Variants in MGMT observed in about 807,000 individuals in gnomAD.
MGMT encodes the protein O-6-methylguanine-DNA methyltransferase.
In MGMT, 14 loss-of-function variants were observed where a neutral mutation model predicts 15.9. The ratio of observed to expected loss-of-function variants is 0.88; its 90% CI spans 0.58 to 1.37. MGMT has a LOEUF of 1.37. MGMT is among the 40% of genes most tolerant of loss of function. The pLI is 0.00. For synonymous variants in MGMT, 130 were observed against 118.2 expected (o/e 1.10, Z -0.65); for missense variants, 282 against 268.1 (o/e 1.05, Z -0.36).
chr10:129,579,533 T>A (rs2133045472), intron 2 of MGMT, among the ~76,000 whole-genome samples: 1 of 152,376 alleles, frequency 6.6e-6, no homozygotes, highest in Admixed American at 6.5e-5. Flanking sequence ...GGAAGGACGT[T>A]AAGGCAGGAC....
chr10:129,687,166 T>G (rs920125395), intron 2 of MGMT, among the ~76,000 whole-genome samples: 1 of 152,178 alleles, frequency 6.6e-6, no homozygotes, highest in Non-Finnish European at 1.5e-5. Flanking sequence ...TTTTATTTTT[T>G]GTTTTTACAT....
intron 2 of MGMT, among the ~76,000 whole-genome samples, chr10:129,580,961 C>G (rs1846547635): frequency 6.6e-6 from 1 of 152,190 alleles, no homozygotes; most frequent in Non-Finnish European, 1.5e-5. Context: ...CTGTCTGGTC[C>G]CACTGACATG....
chr10:129,502,189 C>CTCCCTG (rs1845581117), intron 1 of MGMT, among the ~76,000 whole-genome samples: 1 of 152,152 alleles, frequency 6.6e-6, no homozygotes, highest in Non-Finnish European at 1.5e-5. Flanking sequence ...TGGCCGCAGT[C>CTCCCTG]CAGGCTTTGA....
intron 1 of MGMT, among the ~76,000 whole-genome samples, chr10:129,524,252 C>T (rs1845844921): frequency 6.6e-6 from 1 of 152,220 alleles, no homozygotes; most frequent in African/African-American, 2.4e-5. Flanking sequence ...TGCTCAGGCC[C>T]CTGCAGCCTT....
At chr10:129,730,757 A>G (rs1176414185) in intron 3 of MGMT, among the ~76,000 whole-genome samples, 1 of 152,102 alleles carries the variant, frequency 6.6e-6, no homozygotes, top group Non-Finnish European at 1.5e-5. Context: ...TTGTTCAGAA[A>G]CCATTAGCAC....
chr10:129,624,362 C>A (rs1284330122), intron 2 of MGMT, among the ~76,000 whole-genome samples: 1 of 152,294 alleles, frequency 6.6e-6, no homozygotes, highest in African/African-American at 2.4e-5. Flanking sequence ...GAAGTTCCTG[C>A]AGCCTGTTGG....
In MGMT at chr10:129,485,319, T is replaced by A. The variant is rs187207175; in HGVS notation, c.-13+18023T>A. On this transcript the variant is annotated intron_variant, in intron 1 of 4. Transcript: ENST00000651593. ...TGAATTCTAATCTCTCTCCCCACTT[T>A]GGTGAGAGCACCCACTGGTTTTGTG... 7.2e-5 allele frequency among the ~76,000 whole-genome samples: 11 copies of A among 152,308 alleles called. No homozygotes were observed. In the East Asian group the frequency reaches 1.9e-3, roughly 27 times the overall value.
chr10:129,594,818 G>A (rs139493196), intron 2 of MGMT, among the ~76,000 whole-genome samples: 119 of 152,304 alleles, frequency 7.8e-4, no homozygotes, highest in Admixed American at 1.7e-3. Flanking sequence ...AGTTGACAAG[G>A]ATTCAAAAAG....
intron 1 of MGMT, among the ~76,000 whole-genome samples, chr10:129,506,983 T>C (rs939210788): frequency 6.6e-6 from 1 of 152,150 alleles, no homozygotes; most frequent in African/African-American, 2.4e-5. Flanking sequence ...CTCTGCCACT[T>C]AGGGGCCATG....
chr10:129,576,896 G>A (rs543341604), intron 2 of MGMT, among the ~76,000 whole-genome samples: 21 of 152,140 alleles, frequency 1.4e-4, no homozygotes, highest in Non-Finnish European at 2.4e-4. Context: ...CCAATAACAG[G>A]CAAACAAGAG....
intron 2 of MGMT, among the ~76,000 whole-genome samples, chr10:129,654,982 C>T (rs1345134965): frequency 2.0e-5 from 3 of 152,190 alleles, no homozygotes; most frequent in Admixed American, 6.5e-5. Flanking sequence ...TTCCTTGCAT[C>T]TAAGGAAGTG....
chr10:129,520,812 A>ATGGTG (rs1157298807), intron 1 of MGMT, among the ~76,000 whole-genome samples: 3 of 148,998 alleles, frequency 2.0e-5, no homozygotes, highest in Middle Eastern at 3.3e-3. Context: ...CAGAGCCCCT[A>ATGGTG]CGGTGCGGGT....
intron 2 of MGMT, among the ~76,000 whole-genome samples, chr10:129,543,853 A>G (rs1003744614): frequency 8.5e-5 from 13 of 152,222 alleles, no homozygotes; most frequent in African/African-American, 3.1e-4. Context: ...GGAAGAAAAG[A>G]ATGGTTGAAT....
At chr10:129,731,700 C>A (rs1339948666) in intron 3 of MGMT, among the ~76,000 whole-genome samples, 1 of 152,142 alleles carries the variant, frequency 6.6e-6, no homozygotes, top group African/African-American at 2.4e-5. Context: ...TGCCCTGAGA[C>A]TTTTTAAATG....
intron 1 of MGMT, among the ~76,000 whole-genome samples, chr10:129,483,579 C>G (rs1406309354): frequency 6.6e-6 from 1 of 152,048 alleles, no homozygotes; most frequent in Non-Finnish European, 1.5e-5. Flanking sequence ...AGATGTTGTT[C>G]CATTGTGTTC....
intron 1 of MGMT, among the ~76,000 whole-genome samples, chr10:129,492,457 T>G (rs1333007738): frequency 1.3e-5 from 2 of 152,230 alleles, no homozygotes; most frequent in East Asian, 1.9e-4. Flanking sequence ...GCTATTAGAT[T>G]AAGGGATAGT....
intron 2 of MGMT, among the ~76,000 whole-genome samples, chr10:129,646,738 A>AT (rs1199725603): frequency 2.1e-5 from 2 of 93,896 alleles, no homozygotes; most frequent in Non-Finnish European, 4.6e-5. Flanking sequence ...ATATATATAT[A>AT]TATATATATA....
chr10:129,716,261 C>T (rs1848295856), intron 3 of MGMT, among the ~76,000 whole-genome samples: 1 of 152,202 alleles, frequency 6.6e-6, no homozygotes, highest in Admixed American at 6.5e-5. Flanking sequence ...AGGAAGCACC[C>T]ACTCTGGCGA....
chr10:129,746,183 G>A (rs961097895), intron 3 of MGMT, among the ~76,000 whole-genome samples: 3 of 148,690 alleles, frequency 2.0e-5, no homozygotes, highest in African/African-American at 7.5e-5. Flanking sequence ...AGCTTGCAGT[G>A]AGCCGAGATC....
Sources: gnomAD v4.1 joint callset for allele counts (sites outside exome capture counted in the v4.1 genomes callset) on GRCh38, gnomAD v4.1.1 for gene constraint, MANE v1.5 for transcripts, NCBI Gene and HGNC (gene_info 2026-07-23, HGNC 2026-07-21) for gene names.